The following CYP3A7 variants were observed in gnomAD, a reference collection of about 807,000 sequenced individuals.
The protein encoded by CYP3A7 is cytochrome P450 3A7.
In CYP3A7, 45 loss-of-function variants were observed where a neutral mutation model predicts 55.2. The observed-to-expected ratio is 0.82, with a 90% CI of 0.64 to 1.05. The LOEUF (loss-of-function observed/expected upper bound fraction) is 1.05. Ranked by LOEUF, CYP3A7 falls within the 50% of genes least tolerant of loss-of-function variation. The pLI is 0.00. For synonymous variants in CYP3A7, 180 were observed against 207.4 expected, an observed-to-expected ratio of 0.87 and a Z score of 1.13; for missense variants, 548 against 605.3, an observed-to-expected ratio of 0.91 and a Z score of 0.99.
At chr7:99,709,839 C>T (rs1226437210) in intron 10 of CYP3A7, among the ~76,000 whole-genome samples, 2 of 151,364 alleles carry the variant, frequency 1.3e-5, no homozygotes, top group Non-Finnish European at 2.9e-5. Flanking sequence ...TTGTTATATA[C>T]ATAAAATGTG....
chr7:99,716,615 C>A (rs971610092), intron 6 of CYP3A7, among the ~76,000 whole-genome samples: 4 of 152,162 alleles, frequency 2.6e-5, no homozygotes, highest in African/African-American at 4.8e-5. Context: ...ACCTGTTGTT[C>A]CTGCATAAGT....
At chr7:99,731,921 C>G (rs1814644276) in intron 1 of CYP3A7, among the ~76,000 whole-genome samples, 1 of 152,186 alleles carries the variant, frequency 6.6e-6, no homozygotes, top group Non-Finnish European at 1.5e-5. Context: ...TGACACTGTG[C>G]AGAAGAATCA....
intron 3 of CYP3A7, among the ~76,000 whole-genome samples, chr7:99,721,564 A>C (rs913184411): frequency 6.6e-6 from 1 of 152,234 alleles, no homozygotes; most frequent in Non-Finnish European, 1.5e-5. Context: ...ACAGAACGTG[A>C]TGCTGGGAGT....
rs1219152592 is a variant in CYP3A7, at chr7:99,710,669, G to GT, written c.1026+62dup. ...TTTATAAAAATTCTCCTGGGAAGTG[G>GT]TGAGGAAGCATCTTTGCTAAGGCTT... On this transcript the variant is annotated intron_variant, in intron 10 of 12. Coordinates refer to ENST00000336374, the MANE Select transcript of CYP3A7 (RefSeq NM_000765.5). The GT allele has an allele frequency of 2.5e-6, 4 of 1,612,312 alleles. No individual in the cohort carries two copies. The African/African-American group carries it at 4.0e-5, about 16-fold the overall frequency.
intron 2 of CYP3A7, among the ~76,000 whole-genome samples, chr7:99,727,440 C>T (rs1488463043): frequency 6.6e-6 from 1 of 152,148 alleles, no homozygotes; most frequent in Admixed American, 6.5e-5. Flanking sequence ...TTAGCAATAC[C>T]CACTCTCTGT....
Position 99,720,304 on chromosome 7 carries a change from G to A in CYP3A7, c.318+9C>T, listed in dbSNP as rs769460252. On this transcript the variant is annotated intron_variant, in intron 4 of 12. Transcript: ENST00000336374. Reference sequence around the variant, plus strand: ...ATGAGTATTTTAATTTCAAAAAATGGATGCTTACCCTCCGGTTTGTGAAGA... The same window carrying A: ...ATGAGTATTTTAATTTCAAAAAATGAATGCTTACCCTCCGGTTTGTGAAGA... 3 of 1,611,786 alleles carry A rather than the reference G, an allele frequency of 1.9e-6. No individual in the cohort carries two copies. The highest frequency in any genetic ancestry group is 2.5e-6 in the Non-Finnish European group (3 of 1,179,588).
chr7:99,724,585 C>T (rs141507073), intron 2 of CYP3A7, among the ~76,000 whole-genome samples: 1 of 152,134 alleles, frequency 6.6e-6, no homozygotes, highest in African/African-American at 2.4e-5. Context: ...CCTCACCAGG[C>T]CAAGCCAGGT....
At chr7:99,730,794 A>G (rs900629404) in intron 2 of CYP3A7, 7 of 438,454 alleles carry the variant, frequency 1.6e-5, no homozygotes, top group Admixed American at 3.4e-5. Context: ...TATGGTGCTC[A>G]CAAAGTCTGC....
At chr7:99,714,033 C>T (rs1201852709) in intron 8 of CYP3A7, among the ~76,000 whole-genome samples, 2 of 152,188 alleles carry the variant, frequency 1.3e-5, no homozygotes, top group African/African-American at 2.4e-5. Context: ...GTTAGCCAGC[C>T]TTGCAGCCTC....
chr7:99,728,694 T>C (rs1814508571), intron 2 of CYP3A7, among the ~76,000 whole-genome samples: 1 of 152,198 alleles, frequency 6.6e-6, no homozygotes, highest in Non-Finnish European at 1.5e-5. Flanking sequence ...ACTGAACAAC[T>C]TCCTGTCCCC....
chr7:99,713,639 G>C, intron 8 of CYP3A7, 104 bp from the exon 9 acceptor site: 1 of 1,505,980 alleles, frequency 6.6e-7, no homozygotes, highest in Non-Finnish European at 9.1e-7. Context: ...ATAGCCCCTT[G>C]GAGACCAGAA....
chr7:99,706,061 A>G (rs1295356148), intron 12 of CYP3A7, among the ~76,000 whole-genome samples: 2 of 152,174 alleles, frequency 1.3e-5, no homozygotes, highest in African/African-American at 4.8e-5. Context: ...CAGTCCAGTA[A>G]TTCCTCTCAA....
At chr7:99,714,533 T>C (rs1813865363) in intron 8 of CYP3A7, 22 bp downstream of exon 8, 1 of 1,611,532 alleles carries the variant, frequency 6.2e-7, no homozygotes, top group Non-Finnish European at 8.5e-7. Context: ...AACATCCTCC[T>C]ATAACTACCA....
rs555886143 is a variant in CYP3A7 at position 99,717,672 on chromosome 7, A to G, written c.319-33T>C. ...TCAAAGCAGAAAGATTTTGTCCTAC[A>G]TCAGTTGTGGAGGTCTCCATGGTTG... On this transcript the variant is annotated intron_variant, in intron 4 of 12. Coordinates refer to ENST00000336374, the MANE Select transcript of CYP3A7 (RefSeq NM_000765.5). 75 of 1,611,384 alleles carry G rather than the reference A, an allele frequency of 4.7e-5. 3 individuals carry two copies. In the South Asian group the frequency reaches 7.5e-4, roughly 16 times the overall value.
rs1814012677 is a variant in CYP3A7 at position 99,717,593 on chromosome 7, T to G, written c.365A>C (p.Glu122Ala). 3 of 1,613,748 alleles carry G rather than the reference T, an allele frequency of 1.9e-6. No individual in the cohort carries two copies. The highest frequency in any genetic ancestry group is 2.5e-6 in the Non-Finnish European group (3 of 1,179,794). ...TCGTATTCTCTTCCATTCTTCATCC[T>G]CAGCTATAGAGATGGCATTTTTCAT... ...GFMKNAISIA[E>A]DEEWKRIRSL... Residue 122 changes from glutamate to alanine, a missense_variant, in exon 5 of 13, where the codon GAG (glutamate) becomes GCG (alanine). Transcript: ENST00000336374.
In CYP3A7 at chr7:99,715,938, C is replaced by G. The variant is rs777288742; in HGVS notation, c.522-32G>C. 1.9e-6 allele frequency: 3 copies of G among 1,612,890 alleles called. No individual in the cohort carries two copies. In the African/African-American group the frequency reaches 4.0e-5, roughly 22 times the overall value. On this transcript the variant is annotated intron_variant, in intron 6 of 12. Transcript: ENST00000336374. Reference sequence around the variant, plus strand: ...GGAGAAAGATGTGGAAAATTAAAATCAGCACCTCTTTACCATCCTTCCTCT... The same window carrying G: ...GGAGAAAGATGTGGAAAATTAAAATGAGCACCTCTTTACCATCCTTCCTCT...
intron 12 of CYP3A7, among the ~76,000 whole-genome samples, chr7:99,706,817 C>T (rs542576872): frequency 1.3e-5 from 2 of 152,314 alleles, no homozygotes; most frequent in East Asian, 1.9e-4. Context: ...ACTCCTTAAA[C>T]ATTTACCAAA....
intron 3 of CYP3A7, among the ~76,000 whole-genome samples, chr7:99,721,872 T>C (rs45624139): frequency 0.16 from 24,149 of 152,084 alleles, 2,514 homozygotes; most frequent in South Asian, 0.33. Flanking sequence ...TATCACAAAA[T>C]ACTTGGCAAA....
intron 2 of CYP3A7, 151 bp from the exon 3 acceptor site, chr7:99,722,499 CA>C: frequency 1.1e-6 from 1 of 947,892 alleles, no homozygotes. Context: ...AGAAAGGAAA[CA>C]AAATAGAGGA....
Sources: allele counts gnomAD v4.1 joint callset (sites outside exome capture counted in the v4.1 genomes callset), GRCh38; gene constraint gnomAD v4.1.1; transcripts MANE v1.5; gene names NCBI Gene and HGNC (gene_info 2026-07-23, HGNC 2026-07-21).